Variants in UGT1A9 observed in about 807,000 individuals in gnomAD.
UGT1A9 encodes UDP glucuronosyltransferase family 1 member A9, also known as UDP-glucuronosyltransferase 1A9.
A neutral mutation model predicts 45.0 loss-of-function variants in UGT1A9; 35 were observed. The ratio of observed to expected loss-of-function variants is 0.78; its 90% CI spans 0.59 to 1.03. UGT1A9 has a LOEUF of 1.03. Ranked by LOEUF, UGT1A9 falls within the 50% of genes least tolerant of loss-of-function variation. The probability of loss-of-function intolerance (pLI) is 0.00; values close to 1 mark genes in which losing one functional copy is unlikely to be tolerated. For missense variants in UGT1A9, 687 were observed against 666.6 expected (o/e 1.03, Z -0.34); for synonymous variants, 278 against 250.6 (o/e 1.11, Z -1.03).
At chr2:233,755,646 G>A (rs1240330219) in intron 1 of UGT1A9, 4 of 157,058 alleles carry the variant, frequency 2.5e-5, no homozygotes, top group Admixed American at 2.5e-4. Context: ...CTTTTTCCTC[G>A]GCCACAGGAG....
intron 1 of UGT1A9, chr2:233,682,824 T>C: frequency 6.4e-7 from 1 of 1,565,700 alleles, no homozygotes; most frequent in Non-Finnish European, 8.6e-7. Flanking sequence ...ACATTAAGAA[T>C]AATCTGGCTT....
Position 233,672,438 on chromosome 2 carries a change from C to A in UGT1A9, c.504C>A (p.Phe168Leu). Residue 168 changes from phenylalanine (F) to leucine (L), a missense_variant, in exon 1 of 5, where the codon TTC (phenylalanine) becomes TTA (leucine). By Grantham distance (22) the Phe-to-Leu change is conservative (BLOSUM62 0). Coordinates refer to ENST00000354728, the MANE Select transcript of UGT1A9 (RefSeq NM_021027.3). ...ATTTCTCCCTCCCCTCCGTGGTCTT[C>A]GCCAGGGGAATACTTTGCCACTATC... ...AKYFSLPSVV[F>L]ARGILCHYLE... The A allele has an allele frequency of 6.2e-7, 1 of 1,613,930 alleles. No homozygotes were observed. The highest frequency in any genetic ancestry group is 8.5e-7 in the Non-Finnish European group (1 of 1,179,860).
intron 1 of UGT1A9, among the ~76,000 whole-genome samples, chr2:233,758,930 C>T (rs1427100702): frequency 6.6e-6 from 1 of 152,236 alleles, no homozygotes; most frequent in Non-Finnish European, 1.5e-5. Context: ...TCCCTTTTGA[C>T]TTCAAATCAG....
chr2:233,711,202 C>T (rs1283848719), intron 1 of UGT1A9, among the ~76,000 whole-genome samples: 1 of 152,242 alleles, frequency 6.6e-6, no homozygotes, highest in Non-Finnish European at 1.5e-5. Context: ...CACAGTCCTG[C>T]TCTCCCCAGT....
At chr2:233,699,090 T>A (rs2075483831) in intron 1 of UGT1A9, among the ~76,000 whole-genome samples, 1 of 152,200 alleles carries the variant, frequency 6.6e-6, no homozygotes, top group African/African-American at 2.4e-5. Context: ...TCTAGCCCTG[T>A]GCACCTCATC....
intron 1 of UGT1A9, chr2:233,721,540 A>T (rs10929293): frequency 0.087 from 14,555 of 166,976 alleles, 833 homozygotes; most frequent in East Asian, 0.2. Context: ...CCATAGGTAA[A>T]TTTTTTCTTC....
Position 233,766,627 on chromosome 2 carries a change from T to G in UGT1A9, c.856-407T>G, listed in dbSNP as rs28900401. On this transcript the variant is annotated intron_variant, in intron 1 of 4. Transcript: ENST00000354728. ...CACCCTCTTCTACCCAGCACTTCCC[T>G]TCCCTACTTCCATATCATTTAAAGG... 9.6e-3 allele frequency among the ~76,000 whole-genome samples: 1,465 copies of G among 152,310 alleles called. 33 individuals are homozygous for G. The highest frequency in any genetic ancestry group is 0.033 in the African/African-American group (1,374 of 41,578).
rs188436882 is a variant in UGT1A9, at chr2:233,767,775, A to G, written c.988-74A>G. ...TTCCTTCAGAGGACCCCTGTTTTCT[A>G]GTTAGTATAGCAGATTTGTTTTCTA... is the stretch of plus-strand genomic sequence containing the variant. On this transcript the variant is annotated intron_variant, in intron 2 of 4. Transcript: ENST00000354728. 16 of 1,612,270 alleles carry G rather than the reference A, an allele frequency of 9.9e-6. No individual in the cohort carries two copies. In the East Asian group the frequency reaches 3.1e-4, roughly 31 times the overall value.
intron 1 of UGT1A9, among the ~76,000 whole-genome samples, chr2:233,728,399 G>A (rs913883256): frequency 6.6e-6 from 1 of 152,174 alleles, no homozygotes; most frequent in African/African-American, 2.4e-5. Context: ...TCTTGCCCAT[G>A]TGTGCTTTAG....
intron 1 of UGT1A9, chr2:233,747,887 T>G (rs1394358402): frequency 6.2e-6 from 10 of 1,613,492 alleles, no homozygotes; most frequent in African/African-American, 1.3e-5. Context: ...ACCTTTGCCA[T>G]GCTCTTTCTG....
intron 1 of UGT1A9, chr2:233,740,859 A>C (rs1179342634): frequency 6.6e-6 from 1 of 151,860 alleles, no homozygotes; most frequent in Non-Finnish European, 1.5e-5. Context: ...AATTCTAAAA[A>C]TTCTTTAAAT....
At chr2:233,693,339 A>G (rs778434768) in intron 1 of UGT1A9, 11 of 1,614,190 alleles carry the variant, frequency 6.8e-6, no homozygotes, top group Middle Eastern at 1.6e-4. Flanking sequence ...CAGACAGAGT[A>G]CAGGAATAAC....
Position 233,767,871 on chromosome 2 carries a change from C to G in UGT1A9, c.1010C>G (p.Thr337Ser). The stretch of plus-strand genomic sequence containing the variant: ...CAGGTCCTGTGGCGGTACACTGGAA[C>G]CCGACCATCGAATCTTGCGAACAAC... ...PQTVLWRYTG[T>S]RPSNLANNTI... The change falls in exon 3 of 5, where the codon ACC becomes AGC. Residue 337 changes from threonine to serine, a missense_variant. Coordinates refer to ENST00000354728, the MANE Select transcript of UGT1A9 (RefSeq NM_021027.3). The G allele has an allele frequency of 6.2e-7, 1 of 1,614,154 alleles. No homozygotes were observed. Among genetic ancestry groups the G allele is most frequent in the Non-Finnish European group, 8.5e-7 (1 of 1,180,040 alleles).
In UGT1A9 at chr2:233,737,002, C is replaced by T. The variant is rs534387073; in HGVS notation, c.856-30032C>T. On this transcript the variant is annotated intron_variant, in intron 1 of 4. Transcript: ENST00000354728. ...TCAAGATACACAGAGGTCAGGGACC[C>T]GCTTGAGGAGGCAGTCTGTCCATTC... Among the ~76,000 whole-genome samples, 262 of 152,308 alleles carry T rather than the reference C, an allele frequency of 1.7e-3. 1 individual carries two copies. Among genetic ancestry groups the T allele is most frequent in the South Asian group, 4.4e-3 (21 of 4,826 alleles).
At chr2:233,677,292 G>C (rs994311025) in intron 1 of UGT1A9, among the ~76,000 whole-genome samples, 1 of 152,020 alleles carries the variant, frequency 6.6e-6, no homozygotes, top group African/African-American at 2.4e-5. Flanking sequence ...TATTTAAGTG[G>C]TATTTTTAAT....
intron 1 of UGT1A9, among the ~76,000 whole-genome samples, chr2:233,681,677 T>G (rs931649702): frequency 3.3e-5 from 5 of 152,144 alleles, no homozygotes; most frequent in African/African-American, 1.2e-4. Flanking sequence ...TCTAAACTCA[T>G]ATTGCAGCAC....
At chr2:233,724,376 G>A (rs1373227000) in intron 1 of UGT1A9, among the ~76,000 whole-genome samples, 85 of 127,694 alleles carry the variant, frequency 6.7e-4, no homozygotes, top group East Asian at 1.3e-3. Flanking sequence ...GGTGGCTGCC[G>A]GGCGGAGACG....
Position 233,740,237 on chromosome 2 carries a change from A to G in UGT1A9, c.856-26797A>G, listed in dbSNP as rs6746419. ...TCAGCTGCGTCTTTATAGCAGGCTG[A>G]GAATAGACTAATACAAGATTGGTGG... On this transcript the variant is annotated intron_variant, in intron 1 of 4. Transcript: ENST00000354728. 5.0e-3 allele frequency among the ~76,000 whole-genome samples: 755 copies of G among 151,996 alleles called. 33 individuals carry two copies. Among genetic ancestry groups the G allele is most frequent in the African/African-American group, 0.017 (720 of 41,218 alleles).
In UGT1A9 at chr2:233,729,706, A is replaced by G. The variant is rs765358278; in HGVS notation, c.856-37328A>G. 8 of 1,613,874 alleles carry G rather than the reference A, an allele frequency of 5.0e-6. No homozygotes were observed. The East Asian group carries it at 1.6e-4, about 31-fold the overall frequency. ...ACAGTGTCCAAACCCTTCCTCCTAT[A>G]TTCCTAGATTACTAACAACCAATTC... On this transcript the variant is annotated intron_variant, in intron 1 of 4. Transcript: ENST00000354728.
Sources: allele counts gnomAD v4.1 joint callset (sites outside exome capture counted in the v4.1 genomes callset), GRCh38; gene constraint gnomAD v4.1.1; transcripts MANE v1.5; gene names NCBI Gene and HGNC (gene_info 2026-07-23, HGNC 2026-07-21).